Variants in AUTS2 observed in about 807,000 individuals in gnomAD.
The protein encoded by AUTS2 is activator of transcription and developmental regulator AUTS2.
In AUTS2, 17 loss-of-function variants were observed where a neutral mutation model predicts 112.4. That is an observed-to-expected ratio of 0.15 (90% CI 0.10 to 0.23). The LOEUF (loss-of-function observed/expected upper bound fraction) is 0.23. AUTS2 is among the 10% of genes least tolerant of loss of function. The pLI, the probability that AUTS2 is intolerant of heterozygous loss-of-function variation, is 1.00. For missense variants in AUTS2, 1,510 were observed against 1,701.6 expected (o/e 0.89, Z 1.98); for synonymous variants, 751 against 702.7 (o/e 1.07, Z -1.09).
chr7:69,616,948 T>C (rs1346214049), intron 1 of AUTS2, among the ~76,000 whole-genome samples: 1 of 152,214 alleles, frequency 6.6e-6, no homozygotes, highest in African/African-American at 2.4e-5. Context: ...AGCTTCTGTG[T>C]GCTAGGCAGG....
intron 6 of AUTS2, among the ~76,000 whole-genome samples, chr7:70,749,781 A>T (rs188837537): frequency 3.7e-4 from 57 of 152,354 alleles, no homozygotes; most frequent in Admixed American, 3.4e-3. Flanking sequence ...ATGCTGACAG[A>T]GAAGTCATCG....
chr7:70,446,399 T>C (rs1372769029), intron 5 of AUTS2, among the ~76,000 whole-genome samples: 3 of 152,228 alleles, frequency 2.0e-5, no homozygotes, highest in African/African-American at 7.2e-5. Context: ...ATCATCTGTG[T>C]CACTCAGCAG....
intron 2 of AUTS2, among the ~76,000 whole-genome samples, chr7:70,051,933 G>A (rs1316870489): frequency 6.6e-6 from 1 of 152,164 alleles, no homozygotes; most frequent in African/African-American, 2.4e-5. Context: ...GTTTGTGTGG[G>A]TAAGATTCTG....
intron 4 of AUTS2, among the ~76,000 whole-genome samples, chr7:70,217,105 TG>T (rs1408335947): frequency 1.3e-5 from 2 of 152,218 alleles, no homozygotes; most frequent in African/African-American, 4.8e-5. Flanking sequence ...AAATTTTACT[TG>T]CCAAGTTTCA....
At chr7:70,550,598 T>C (rs1312926642) in intron 5 of AUTS2, among the ~76,000 whole-genome samples, 1 of 152,178 alleles carries the variant, frequency 6.6e-6, no homozygotes, top group Non-Finnish European at 1.5e-5. Flanking sequence ...AAACCCACCA[T>C]CTAGCCAGGC....
In AUTS2 at chr7:69,599,947, T is replaced by C; in HGVS notation, c.294T>C (p.Thr98=). 6.2e-7 allele frequency: 1 copy of C among 1,613,356 alleles called. No homozygotes were observed. Among genetic ancestry groups the C allele is most frequent in the Non-Finnish European group, 8.5e-7 (1 of 1,179,776 alleles). ...IDGFAMTSFV[T]FEALEKDVAL... The stretch of plus-strand genomic sequence containing the variant: ...GATTTGCCATGACCAGCTTTGTCAC[T>C]TTTGAAGCGCTGGAGGTAAGGGGGA... Residue 98 remains threonine (T), a synonymous_variant, in exon 1 of 19, where the codon ACT becomes ACC. Coordinates refer to ENST00000342771, the MANE Select transcript of AUTS2 (RefSeq NM_015570.4). The surrounding 1 kb of genome is among the most constrained non-coding windows in gnomAD (Gnocchi z 7.0).
intron 1 of AUTS2, among the ~76,000 whole-genome samples, chr7:69,683,599 C>A (rs1312880174): frequency 1.3e-5 from 2 of 151,266 alleles, no homozygotes; most frequent in Non-Finnish European, 2.9e-5. Context: ...CCCAAAAACC[C>A]AAAACCAAAA....
intron 2 of AUTS2, among the ~76,000 whole-genome samples, chr7:69,987,988 T>C (rs1229915218): frequency 6.6e-6 from 1 of 152,066 alleles, no homozygotes; most frequent in Non-Finnish European, 1.5e-5. Flanking sequence ...GGAGGGAAAT[T>C]GTGGATATGA....
chr7:69,614,370 T>TCTTTCTTTCTTTCTTTCTTTCTTTCTTTC (rs1322536871), intron 1 of AUTS2, among the ~76,000 whole-genome samples: 27 of 28,548 alleles, frequency 9.5e-4, no homozygotes, highest in East Asian at 1.7e-3. Context: ...CTTTCTTTTT[T>TCTTTCTTTCTTTCTTTCTTTCTTTCTTTC]TAAGAGATGG....
chr7:70,335,772 C>G (rs979073510), intron 4 of AUTS2, among the ~76,000 whole-genome samples: 2 of 152,192 alleles, frequency 1.3e-5, no homozygotes, highest in Non-Finnish European at 2.9e-5. Context: ...GCAGGTATGG[C>G]TGCATGGAAA....
chr7:69,682,601 A>G (rs1289389381), intron 1 of AUTS2, among the ~76,000 whole-genome samples: 1 of 152,174 alleles, frequency 6.6e-6, no homozygotes, highest in Non-Finnish European at 1.5e-5. Flanking sequence ...CTCTTTATTG[A>G]TTTACATATT....
At position 69,643,336 on chromosome 7, in the gene AUTS2, G is replaced by C. The variant is rs74467919; in HGVS notation, c.309+43374G>C. On this transcript the variant is annotated intron_variant, in intron 1 of 18. Coordinates refer to ENST00000342771, the MANE Select transcript of AUTS2 (RefSeq NM_015570.4). ...CAGGTCCCTCCCACGCTCAAGGTGA[G>C]ATGATCACACAAGGGCATTGACAAC... The C allele has an allele frequency of 1.5e-3, 230 of 153,766 alleles. 3 individuals carry two copies. The highest frequency in any genetic ancestry group is 5.4e-3 in the African/African-American group (224 of 41,564). 9.5% of individuals were successfully genotyped at this position (153,766 alleles called of 1,614,324 possible).
intron 6 of AUTS2, among the ~76,000 whole-genome samples, chr7:70,721,923 C>G (rs1422894907): frequency 6.6e-6 from 1 of 152,062 alleles, no homozygotes; most frequent in Non-Finnish European, 1.5e-5. Context: ...AATCTCATAC[C>G]ATTATCATAC....
intron 1 of AUTS2, among the ~76,000 whole-genome samples, chr7:69,845,312 G>A (rs1792148050): frequency 6.6e-6 from 1 of 152,130 alleles, no homozygotes; most frequent in African/African-American, 2.4e-5. Flanking sequence ...GACCAGACTT[G>A]GGTCACATTA....
At chr7:70,173,384 G>C (rs1808811541) in intron 4 of AUTS2, among the ~76,000 whole-genome samples, 1 of 151,604 alleles carries the variant, frequency 6.6e-6, no homozygotes, top group Middle Eastern at 3.2e-3. Flanking sequence ...AAGAAAGAGA[G>C]AAAGAAAATG....
At chr7:69,630,657 G>A (rs561215009) in intron 1 of AUTS2, among the ~76,000 whole-genome samples, 1 of 152,220 alleles carries the variant, frequency 6.6e-6, no homozygotes, top group South Asian at 2.1e-4. Context: ...AGATGTGGAA[G>A]TGTATATCCT....
intron 4 of AUTS2, among the ~76,000 whole-genome samples, chr7:70,407,064 C>T (rs1794567758): frequency 6.6e-6 from 1 of 152,146 alleles, no homozygotes; most frequent in Non-Finnish European, 1.5e-5. Flanking sequence ...GCGGAAAATC[C>T]AGGCACCGAT....
intron 1 of AUTS2, among the ~76,000 whole-genome samples, chr7:69,813,472 A>G (rs1312224400): frequency 1.3e-5 from 2 of 152,192 alleles, no homozygotes. Flanking sequence ...CCTGCCCCCC[A>G]TTGGATAGAT....
intron 4 of AUTS2, among the ~76,000 whole-genome samples, chr7:70,409,493 G>A (rs1794684894): frequency 6.6e-6 from 1 of 152,198 alleles, no homozygotes; most frequent in Non-Finnish European, 1.5e-5. Context: ...TGATGTGTGT[G>A]CATGTGGGCT....
Sources: gnomAD v4.1 joint callset for allele counts (sites outside exome capture counted in the v4.1 genomes callset) on GRCh38, gnomAD v4.1.1 for gene constraint, Gnocchi (gnomAD v3.1) non-coding constraint, MANE v1.5 for transcripts, NCBI Gene and HGNC (gene_info 2026-07-23, HGNC 2026-07-21) for gene names.